KCNH8: variants seen among roughly 807,000 people sequenced by gnomAD.
KCNH8 encodes potassium voltage-gated channel subfamily H member 8.
In KCNH8, 70 loss-of-function variants were observed where a neutral mutation model predicts 103.6. That is an observed-to-expected ratio of 0.68 (90% CI 0.56 to 0.82). The LOEUF is 0.82. Among genes scored for constraint, KCNH8 ranks in the 40% least tolerant of loss-of-function variants. The pLI is 0.00. For synonymous variants in KCNH8, 498 were observed against 489.4 expected (o/e 1.02, Z -0.23); for missense variants, 1,217 against 1,329.9 (o/e 0.92, Z 1.32).
intron 5 of KCNH8, among the ~76,000 whole-genome samples, chr3:19,350,562 G>A (rs551217507): frequency 1.3e-5 from 2 of 152,158 alleles, no homozygotes; most frequent in Non-Finnish European, 2.9e-5. Flanking sequence ...AACATTTGCT[G>A]TTCTGCAATA....
At chr3:19,284,567 GAGAA>G (rs1278696962) in intron 3 of KCNH8, among the ~76,000 whole-genome samples, 64 of 151,328 alleles carry the variant, frequency 4.2e-4, no homozygotes, top group African/African-American at 1.2e-3. Flanking sequence ...GAGAGAGAGA[GAGAA>G]AGAGAGAGAC....
intron 7 of KCNH8, among the ~76,000 whole-genome samples, chr3:19,403,932 G>A (rs6551252): frequency 0.62 from 93,553 of 151,524 alleles, 30,660 homozygotes; most frequent in African/African-American, 0.85. Flanking sequence ...TGCCCCATAT[G>A]ACATTTTAAT....
rs745692538 is a variant in KCNH8, at chr3:19,533,607, T to C, written c.2832T>C (p.Tyr944=). The change falls in exon 16 of 16, where the codon TAT becomes TAC. Residue 944 remains tyrosine, a synonymous_variant. Coordinates refer to ENST00000328405, the MANE Select transcript of KCNH8 (RefSeq NM_144633.3). ...CLHLQTGGAA[Y]TQAQLCSSNI... is the part of the protein sequence containing the mutation. ...ACTTGCAAACAGGCGGGGCTGCTTA[T>C]ACCCAAGCACAACTTTGTAGCAGTA... is the stretch of plus-strand genomic sequence containing the variant. 3.7e-6 allele frequency: 6 copies of C among 1,614,190 alleles called. No individual in the cohort carries two copies. The South Asian group carries it at 4.4e-5, about 12-fold the overall frequency.
intron 2 of KCNH8, among the ~76,000 whole-genome samples, chr3:19,264,641 A>G (rs2125261421): frequency 6.6e-6 from 1 of 152,062 alleles, no homozygotes; most frequent in East Asian, 1.9e-4. Flanking sequence ...AGATTCCTCC[A>G]TACTTTCACT....
intron 15 of KCNH8, among the ~76,000 whole-genome samples, chr3:19,522,714 G>C (rs979691261): frequency 5.9e-5 from 9 of 151,814 alleles, no homozygotes; most frequent in African/African-American, 2.2e-4. Context: ...TTCCTCTACA[G>C]TTGAAGTCAT....
intron 5 of KCNH8, among the ~76,000 whole-genome samples, chr3:19,353,229 A>C (rs1007262607): frequency 6.6e-6 from 1 of 152,216 alleles, no homozygotes; most frequent in Non-Finnish European, 1.5e-5. Flanking sequence ...CTATGAAATT[A>C]AGGCAATAAT....
intron 1 of KCNH8, among the ~76,000 whole-genome samples, chr3:19,226,762 G>T (rs907629726): frequency 3.3e-5 from 5 of 152,122 alleles, no homozygotes; most frequent in African/African-American, 1.2e-4. Flanking sequence ...AGGATATGGT[G>T]CCTATAATTG....
At chr3:19,199,039 C>T (rs988484982) in intron 1 of KCNH8, among the ~76,000 whole-genome samples, 1 of 152,040 alleles carries the variant, frequency 6.6e-6, no homozygotes, top group African/African-American at 2.4e-5. Flanking sequence ...CCAATAGTAG[C>T]TTCATATTTA....
intron 3 of KCNH8, among the ~76,000 whole-genome samples, chr3:19,305,104 G>GA (rs976869588): frequency 2.9e-4 from 42 of 144,102 alleles, no homozygotes; most frequent in South Asian, 8.8e-4. Context: ...CAGAAAAAAG[G>GA]AAAAAAAAAA....
chr3:19,255,680 G>C (rs768682994), intron 2 of KCNH8, among the ~76,000 whole-genome samples: 4 of 151,830 alleles, frequency 2.6e-5, no homozygotes, highest in Non-Finnish European at 5.9e-5. Flanking sequence ...AAGAAGAAAA[G>C]GAATTGTATA....
At chr3:19,295,750 C>G (rs2125285425) in intron 3 of KCNH8, among the ~76,000 whole-genome samples, 1 of 152,134 alleles carries the variant, frequency 6.6e-6, no homozygotes, top group South Asian at 2.1e-4. Flanking sequence ...GAGCTTTTCC[C>G]TTTTTTGCCT....
intron 2 of KCNH8, among the ~76,000 whole-genome samples, chr3:19,262,877 A>G (rs2064455380): frequency 6.6e-6 from 1 of 152,090 alleles, no homozygotes. Flanking sequence ...GAAAGGAAAG[A>G]TCATTCTGAG....
chr3:19,408,585 C>T (rs1309761638), intron 7 of KCNH8, among the ~76,000 whole-genome samples: 1 of 151,902 alleles, frequency 6.6e-6, no homozygotes, highest in Non-Finnish European at 1.5e-5. Context: ...CTGAGAGACC[C>T]AAGAAAGGGT....
At chr3:19,472,403 G>A (rs2067881399) in intron 11 of KCNH8, among the ~76,000 whole-genome samples, 1 of 152,116 alleles carries the variant, frequency 6.6e-6, no homozygotes, top group South Asian at 2.1e-4. Flanking sequence ...GGGACCAAGT[G>A]GGAGATAATG....
chr3:19,181,571 C>A (rs1305737596), intron 1 of KCNH8, among the ~76,000 whole-genome samples: 3 of 152,030 alleles, frequency 2.0e-5, no homozygotes, highest in African/African-American at 7.2e-5. Flanking sequence ...TTACCATGAG[C>A]AAATTTAAGC....
rs1160540365 is a variant in KCNH8, at chr3:19,438,256, G to T, written c.1270G>T (p.Ala424Ser). ...GPSIRSAYIA[A>S]LYFTLSSLTS... ...GTCGATCCGAAGTGCCTATATTGCC[G>T]CTCTGTACTTCACGCTGAGCAGCCT... Residue 424 changes from alanine to serine, a missense_variant, in exon 8 of 16, where the codon GCT becomes TCT. Physicochemically the swap from Ala to Ser is moderately conservative, Grantham distance 99. Coordinates refer to ENST00000328405, the MANE Select transcript of KCNH8 (RefSeq NM_144633.3). 1.2e-6 allele frequency: 2 copies of T among 1,613,904 alleles called. No homozygotes were observed. The highest frequency in any genetic ancestry group is 1.7e-5 in the Admixed American group (1 of 59,970).
intron 1 of KCNH8, among the ~76,000 whole-genome samples, chr3:19,160,158 A>G (rs1423735221): frequency 6.6e-6 from 1 of 152,138 alleles, no homozygotes; most frequent in Non-Finnish European, 1.5e-5. Context: ...CAGAATGCAT[A>G]AATCTGCTGA....
intron 1 of KCNH8, among the ~76,000 whole-genome samples, chr3:19,185,849 A>C (rs1205607350): frequency 6.6e-6 from 1 of 151,982 alleles, no homozygotes. Flanking sequence ...CCCCAATGTA[A>C]ATATTGTTTA....
chr3:19,431,525 T>C (rs2067121535), intron 7 of KCNH8, among the ~76,000 whole-genome samples: 1 of 152,200 alleles, frequency 6.6e-6, no homozygotes, highest in Admixed American at 6.5e-5. Context: ...TCCCTCCTTT[T>C]TGGTTTTTTG....
Sources: gnomAD v4.1 joint callset for allele counts (sites outside exome capture counted in the v4.1 genomes callset) on GRCh38, gnomAD v4.1.1 for gene constraint, MANE v1.5 for transcripts, NCBI Gene and HGNC (gene_info 2026-07-23, HGNC 2026-07-21) for gene names.